UST: variants seen among roughly 807,000 people sequenced by gnomAD.
UST encodes the protein uronyl 2-sulfotransferase.
A neutral mutation model predicts 45.6 loss-of-function variants in UST; 21 were observed. That is an observed-to-expected ratio of 0.46 (90% CI 0.33 to 0.66). The LOEUF is 0.66. Ranked by LOEUF, UST falls within the 30% of genes least tolerant of loss-of-function variation. UST has a pLI of 0.02. For missense variants in UST, 463 were observed against 512.4 expected (o/e 0.90, Z 0.93); for synonymous variants, 215 against 200.6 (o/e 1.07, Z -0.61).
intron 2 of UST, among the ~76,000 whole-genome samples, chr6:148,896,682 A>G (rs1779137692): frequency 6.6e-6 from 1 of 152,216 alleles, no homozygotes; most frequent in Non-Finnish European, 1.5e-5. Flanking sequence ...GAATGAGACT[A>G]ATAAAATATA....
intron 1 of UST, among the ~76,000 whole-genome samples, chr6:148,827,581 A>C (rs1240929050): frequency 1.4e-4 from 21 of 151,694 alleles, no homozygotes; most frequent in South Asian, 2.1e-4. Context: ...ACACCACTGC[A>C]CTCCAGCTCG....
chr6:148,838,363 CAG>C (rs1488562301), intron 1 of UST, among the ~76,000 whole-genome samples: 1 of 152,158 alleles, frequency 6.6e-6, no homozygotes, highest in Non-Finnish European at 1.5e-5. Context: ...GAAGTGGGTC[CAG>C]ATCAGCTAGG....
chr6:149,052,491 G>A (rs531007581), intron 7 of UST, among the ~76,000 whole-genome samples: 4 of 152,164 alleles, frequency 2.6e-5, no homozygotes, highest in South Asian at 2.1e-4. Flanking sequence ...GATTCATAAC[G>A]CTTCTATGTT....
intron 1 of UST, among the ~76,000 whole-genome samples, chr6:148,828,858 A>G (rs1777625866): frequency 6.6e-6 from 1 of 152,244 alleles, no homozygotes. Flanking sequence ...ATGTTACAGT[A>G]ACATTTTATA....
intron 3 of UST, 65 bp from the exon 4 acceptor site, chr6:148,953,807 C>G (rs956684333): frequency 3.2e-5 from 28 of 887,832 alleles, no homozygotes; most frequent in Non-Finnish European, 3.3e-5. Context: ...GGATACATAA[C>G]CTTTAACTTA....
chr6:148,777,451 T>C (rs184722214), intron 1 of UST, among the ~76,000 whole-genome samples: 1 of 152,390 alleles, frequency 6.6e-6, no homozygotes, highest in East Asian at 1.9e-4. Flanking sequence ...TATAGTCATG[T>C]GCCACATAAT....
intron 2 of UST, among the ~76,000 whole-genome samples, chr6:148,929,656 C>A (rs975630181): frequency 1.3e-5 from 2 of 152,144 alleles, no homozygotes; most frequent in Non-Finnish European, 2.9e-5. Flanking sequence ...AGAATGTATT[C>A]TCTTTATTGT....
chr6:148,995,315 G>C, intron 5 of UST, among the ~76,000 whole-genome samples: 1 of 152,292 alleles, frequency 6.6e-6, no homozygotes. Context: ...GAGCCGCTGC[G>C]CCCAGCCTCG....
In UST at chr6:148,960,106, C is replaced by T. The variant is rs546703563; in HGVS notation, c.528-4304C>T. ...GAGTTCGAGACCAGCCTGGCCAACA[C>T]GGCGAAACCCCATCTCTACTAAAAA... On this transcript the variant is annotated intron_variant, in intron 4 of 7. Transcript: ENST00000367463. 9.3e-4 allele frequency among the ~76,000 whole-genome samples: 142 copies of T among 152,076 alleles called. 1 individual carries two copies. The highest frequency in any genetic ancestry group is 2.8e-3 in the African/African-American group (118 of 41,488).
intron 7 of UST, among the ~76,000 whole-genome samples, chr6:149,035,737 G>C (rs1043781959): frequency 2.7e-5 from 4 of 150,808 alleles, no homozygotes; most frequent in Admixed American, 1.3e-4. Context: ...CTGCGCTTCA[G>C]CCTGGGTGAC....
At chr6:148,978,549 A>G (rs937830369) in intron 5 of UST, among the ~76,000 whole-genome samples, 1 of 152,166 alleles carries the variant, frequency 6.6e-6, no homozygotes, top group Admixed American at 6.5e-5. Flanking sequence ...GGAAACCATC[A>G]TCCTCAGCAA....
At chr6:148,751,472 A>G (rs1040688444) in intron 1 of UST, among the ~76,000 whole-genome samples, 6 of 152,296 alleles carry the variant, frequency 3.9e-5, no homozygotes, top group African/African-American at 1.2e-4. Flanking sequence ...TCTCTTCCCC[A>G]TAGGAGACAG....
chr6:148,776,968 T>A (rs1355802139), intron 1 of UST, among the ~76,000 whole-genome samples: 1 of 152,184 alleles, frequency 6.6e-6, no homozygotes, highest in Non-Finnish European at 1.5e-5. Context: ...TGCTCTCAAG[T>A]GGCTGGTCGT....
chr6:148,812,182 C>G (rs115681858), intron 1 of UST, among the ~76,000 whole-genome samples: 170 of 151,860 alleles, frequency 1.1e-3, no homozygotes, highest in African/African-American at 3.8e-3. Context: ...TGCATACTTT[C>G]TATATTGTTT....
At chr6:148,831,195 G>A (rs1418169959) in intron 1 of UST, among the ~76,000 whole-genome samples, 1 of 152,068 alleles carries the variant, frequency 6.6e-6, no homozygotes, top group Non-Finnish European at 1.5e-5. Context: ...CTAGACCAGC[G>A]CCGACTGTTT....
chr6:148,793,417 C>A (rs112637846), intron 1 of UST, among the ~76,000 whole-genome samples: 2,599 of 152,234 alleles, frequency 0.017, 35 homozygotes, highest in Non-Finnish European at 0.027. Flanking sequence ...ACAGGATAGA[C>A]CAGGTCCCCA....
chr6:148,938,799 T>C (rs1392791080), intron 2 of UST, among the ~76,000 whole-genome samples: 1 of 151,074 alleles, frequency 6.6e-6, no homozygotes, highest in Non-Finnish European at 1.5e-5. Context: ...TAGTATATAA[T>C]ATTATATCAA....
chr6:148,863,926 C>T (rs1431109947), intron 1 of UST, among the ~76,000 whole-genome samples: 1 of 152,222 alleles, frequency 6.6e-6, no homozygotes, highest in East Asian at 1.9e-4. Context: ...TGGGAGGTGT[C>T]TCCCAGTTAG....
chr6:148,920,749 C>G (rs556337547), intron 2 of UST, among the ~76,000 whole-genome samples: 3 of 152,174 alleles, frequency 2.0e-5, no homozygotes, highest in Non-Finnish European at 4.4e-5. Context: ...AGGCTGCTCT[C>G]GAACTCCCAG....
Sources: gnomAD v4.1 joint callset for allele counts (sites outside exome capture counted in the v4.1 genomes callset) on GRCh38, gnomAD v4.1.1 for gene constraint, MANE v1.5 for transcripts, NCBI Gene and HGNC (gene_info 2026-07-23, HGNC 2026-07-21) for gene names.